OGFOD1: variants seen among roughly 807,000 people sequenced by gnomAD.
OGFOD1 encodes prolyl 3-hydroxylase OGFOD1.
A neutral mutation model predicts 67.7 loss-of-function variants in OGFOD1; 54 were observed. The observed-to-expected ratio is 0.80, with a 90% CI of 0.64 to 1.00. OGFOD1 has a LOEUF of 1.00. Among genes scored for constraint, OGFOD1 ranks in the 50% least tolerant of loss-of-function variants. The pLI, the probability that OGFOD1 is intolerant of heterozygous loss-of-function variation, is 0.00. For synonymous variants in OGFOD1, 221 were observed against 227.0 expected (o/e 0.97, Z 0.24); for missense variants, 606 against 646.7 (o/e 0.94, Z 0.68).
chr16:56,458,392 C>G, intron 2 of OGFOD1, 156 bp from the exon 3 acceptor site: 2 of 685,404 alleles, frequency 2.9e-6, no homozygotes, highest in Non-Finnish European at 5.3e-6. Flanking sequence ...ACAGACCCAT[C>G]CAATGGAGGG....
intron 1 of OGFOD1, chr16:56,452,084 A>C (rs886628104): frequency 3.6e-6 from 1 of 278,828 alleles, no homozygotes; most frequent in Admixed American, 4.9e-5. Context: ...GTCGCCAGGC[A>C]ATGGAATTAA....
intron 2 of OGFOD1, chr16:56,454,653 GA>G (rs57144787): frequency 0.31 from 90,769 of 296,316 alleles, 12,273 homozygotes; most frequent in South Asian, 0.4. Context: ...ATTGGGGGGG[GA>G]AAAAAAAAAG....
intron 10 of OGFOD1, among the ~76,000 whole-genome samples, chr16:56,471,197 C>CAA (rs61143039): frequency 3.7e-4 from 49 of 132,946 alleles, no homozygotes; most frequent in East Asian, 6.5e-4. Context: ...ACTAAAAATA[C>CAA]AAAAAAAAAA....
intron 3 of OGFOD1, 99 bp downstream of exon 3, chr16:56,458,693 T>A: frequency 9.5e-7 from 1 of 1,057,958 alleles, no homozygotes; most frequent in South Asian, 1.4e-5. Flanking sequence ...TAATTCTTGT[T>A]GACATTGTTA....
At chr16:56,465,931 GATCT>G (rs1596975842) in intron 4 of OGFOD1, 3 of 422,002 alleles carry the variant, frequency 7.1e-6, no homozygotes, top group South Asian at 3.6e-5. Flanking sequence ...ATTATATCTG[GATCT>G]ATCTAATTAT....
chr16:56,458,022 C>G lies in OGFOD1; in HGVS notation c.301-526C>G, dbSNP rs143849255. The G allele has an allele frequency of 7.8e-3, 1,243 of 159,080 alleles. 6 individuals are homozygous for G. Among genetic ancestry groups the G allele is most frequent in the Middle Eastern group, 0.019 (6 of 310 alleles). The allele number at this position is 159,080 out of a possible 1,614,324, so 9.9% of individuals were successfully genotyped here. On this transcript the variant is annotated intron_variant, in intron 2 of 12. Transcript: ENST00000566157. Reference sequence around the variant, plus strand: ...CTCATCTCCTACTGCCCTCCCTCTCCCTCTCTGCTCTTGCAATAGCTGGAA... The same window carrying G: ...CTCATCTCCTACTGCCCTCCCTCTCGCTCTCTGCTCTTGCAATAGCTGGAA...
At chr16:56,470,424 T>A in intron 9 of OGFOD1, 63 bp from the exon 10 acceptor site, 1 of 1,442,158 alleles carries the variant, frequency 6.9e-7, no homozygotes, top group Non-Finnish European at 9.4e-7. Context: ...CGATCAGCTT[T>A]TATTCTGTGA....
rs1454328814 is a variant in OGFOD1, at chr16:56,474,941, G to A, written c.1399G>A (p.Gly467Ser). 1.2e-6 allele frequency: 2 copies of A among 1,613,646 alleles called. No homozygotes were observed. Among genetic ancestry groups the A allele is most frequent in the Non-Finnish European group, 1.7e-6 (2 of 1,179,758 alleles). ...TGCCCTAGACTTAATTCTGTACTGT[G>A]GCTGTGAAGGTAAGAGGGAGGAAAG... is the stretch of plus-strand genomic sequence containing the variant. ...EFALDLILYC[G>S]CEGWEPEYGG... The change falls in exon 11 of 13, where the codon GGC (glycine) becomes AGC (serine). Residue 467 changes from glycine to serine, a missense_variant. Gly to Ser is a moderately conservative substitution (Grantham distance 56). Transcript: ENST00000566157.
In OGFOD1 at chr16:56,477,002, G is replaced by T. The variant is rs1963509326; in HGVS notation, c.*797G>T. On this transcript the variant is annotated 3_prime_UTR_variant, in exon 13 of 13. Coordinates refer to ENST00000566157, the MANE Select transcript of OGFOD1 (RefSeq NM_018233.4). ...AAATTAGCTGGGCGTGGTGGCACAT[G>T]CCTGTAATCCCAGCTACTCAGGAGG... The T allele has an allele frequency of 1.3e-5, 2 of 152,302 alleles. No individual in the cohort carries two copies. The highest frequency in any genetic ancestry group is 6.5e-5 in the Admixed American group (1 of 15,292). The allele number at this position is 152,302 out of a possible 1,614,324, so 9.4% of individuals were successfully genotyped here.
At chr16:56,462,864 A>T (rs978333716) in intron 4 of OGFOD1, among the ~76,000 whole-genome samples, 2 of 152,226 alleles carry the variant, frequency 1.3e-5, no homozygotes, top group African/African-American at 4.8e-5. Context: ...TTTCAGCAAA[A>T]TCCCCATAAC....
At chr16:56,455,281 C>T (rs922630026) in intron 2 of OGFOD1, among the ~76,000 whole-genome samples, 17 of 151,792 alleles carry the variant, frequency 1.1e-4, no homozygotes, top group Admixed American at 4.6e-4. Context: ...GCAGGAGAAT[C>T]GCTTGAACCC....
chr16:56,459,421 G>C (rs1197409052), intron 3 of OGFOD1, among the ~76,000 whole-genome samples: 2 of 151,370 alleles, frequency 1.3e-5, no homozygotes, highest in East Asian at 1.9e-4. Context: ...TTGTAATATT[G>C]TTTATAATAT....
chr16:56,473,062 C>T (rs1199214315), intron 10 of OGFOD1, among the ~76,000 whole-genome samples: 3 of 152,192 alleles, frequency 2.0e-5, no homozygotes, highest in Non-Finnish European at 4.4e-5. Context: ...TCCCGAGTAG[C>T]TGGGACTACA....
chr16:56,466,680 A>G (rs1962912476), intron 5 of OGFOD1, among the ~76,000 whole-genome samples, 196 bp from the exon 6 acceptor site: 1 of 152,204 alleles, frequency 6.6e-6, no homozygotes. Flanking sequence ...TCTCAATAAT[A>G]GATGGATGGT....
chr16:56,453,388 G>A lies in OGFOD1; in HGVS notation c.280G>A (p.Asp94Asn). 6.2e-7 allele frequency: 1 copy of A among 1,610,048 alleles called. No homozygotes were observed. Among genetic ancestry groups the A allele is most frequent in the Non-Finnish European group, 8.5e-7 (1 of 1,179,038 alleles). Residue 94 changes from aspartate (D) to asparagine (N), a missense_variant, in exon 2 of 13, where the codon GAT (aspartate) becomes AAT (asparagine). Coordinates refer to ENST00000566157, the MANE Select transcript of OGFOD1 (RefSeq NM_018233.4). ...CTTGGACTTCCATGAGAAGTATAAT[G>A]ATTTATATAAGTTCCAGCAGGTATT... ...MNLDFHEKYN[D>N]LYKFQQSDDL...
intron 10 of OGFOD1, among the ~76,000 whole-genome samples, chr16:56,471,426 T>A (rs1443719544): frequency 6.6e-6 from 1 of 151,212 alleles, no homozygotes. Flanking sequence ...TTTAGAAAAG[T>A]CTCTCTGAGG....
rs1963574134 is a variant in OGFOD1 at position 56,478,473 on chromosome 16, CA to C, written c.*2269del. On this transcript the variant is annotated 3_prime_UTR_variant, in exon 13 of 13. Transcript: ENST00000566157. ...GTCACAGCTTGCCTTTTCTATATTC[CA>C]GCTGACTAAAGGTCATCTCACTCAC... 6.6e-6 allele frequency: 1 copy of C among 152,140 alleles called. No individual in the cohort carries two copies. The highest frequency in any genetic ancestry group is 1.5e-5 in the Non-Finnish European group (1 of 68,036). 9.4% of individuals were successfully genotyped at this position (152,140 alleles called of 1,614,324 possible).
At chr16:56,462,730 A>G in intron 4 of OGFOD1, 96 bp downstream of exon 4, 2 of 732,966 alleles carry the variant, frequency 2.7e-6, no homozygotes, top group Admixed American at 2.4e-5. Flanking sequence ...ACTCAACTGA[A>G]TGTCCCTGCA....
In OGFOD1 at chr16:56,474,900, A is replaced by G. The variant is rs1963386258; in HGVS notation, c.1358A>G (p.His453Arg). The change falls in exon 11 of 13, where the codon CAT (histidine) becomes CGT (arginine). Residue 453 changes from histidine (H) to arginine (R), a missense_variant. By Grantham distance (29) the His-to-Arg change is conservative. Coordinates refer to ENST00000566157, the MANE Select transcript of OGFOD1 (RefSeq NM_018233.4). ...KTGHYTLIHDHSKAEFALDLI... is the reference protein window; with the variant it reads ...KTGHYTLIHDRSKAEFALDLI... ...GGTCACTACACTTTAATTCATGACC[A>G]TAGCAAGGCTGAATTTGCCCTAGAC... 3 of 1,613,716 alleles carry G rather than the reference A, an allele frequency of 1.9e-6. No homozygotes were observed. Among genetic ancestry groups the G allele is most frequent in the Non-Finnish European group, 2.5e-6 (3 of 1,179,834 alleles).
Sources: allele counts gnomAD v4.1 joint callset (sites outside exome capture counted in the v4.1 genomes callset), GRCh38; gene constraint gnomAD v4.1.1; transcripts MANE v1.5; gene names NCBI Gene and HGNC (gene_info 2026-07-23, HGNC 2026-07-21).